The following EIF3H variants were observed in gnomAD, a reference collection of about 807,000 sequenced individuals.
The protein encoded by EIF3H is eukaryotic translation initiation factor 3 subunit H, also known as eIF-3-gamma.
EIF3H carries 26 observed loss-of-function variants against 44.2 expected under a neutral mutation model. The observed-to-expected ratio is 0.59, with a 90% CI of 0.43 to 0.82. EIF3H has a LOEUF of 0.82. EIF3H is among the 40% of genes least tolerant of loss of function. The pLI is 0.00. For synonymous variants in EIF3H, 166 were observed against 151.9 expected (o/e 1.09, Z -0.68); for missense variants, 359 against 432.8 (o/e 0.83, Z 1.51).
intron 2 of EIF3H, among the ~76,000 whole-genome samples, chr8:116,699,497 A>T (rs1814331669): frequency 1.3e-5 from 2 of 152,180 alleles, no homozygotes; most frequent in African/African-American, 4.8e-5. Context: ...GAGCTAAAAA[A>T]TGGGTACTTA....
chr8:116,728,963 T>C (rs1430952259), intron 1 of EIF3H, among the ~76,000 whole-genome samples: 1 of 152,238 alleles, frequency 6.6e-6, no homozygotes, highest in Non-Finnish European at 1.5e-5. Context: ...TGTCAATAAC[T>C]ATTTAATGCT....
At chr8:116,744,211 T>C (rs1225689196) in intron 1 of EIF3H, among the ~76,000 whole-genome samples, 3 of 78,932 alleles carry the variant, frequency 3.8e-5, no homozygotes, top group Admixed American at 1.3e-4. Context: ...ACATAGAAAG[T>C]ATTAAAAAAA....
At chr8:116,671,257 T>C (rs199888345) in intron 2 of EIF3H, among the ~76,000 whole-genome samples, 3 of 152,208 alleles carry the variant, frequency 2.0e-5, no homozygotes, top group Admixed American at 1.3e-4. Context: ...TGTCGTTCAA[T>C]GTAGTATCCA....
chr8:116,714,705 A>T (rs1323051426), intron 2 of EIF3H, among the ~76,000 whole-genome samples: 1 of 152,046 alleles, frequency 6.6e-6, no homozygotes, highest in East Asian at 1.9e-4. Flanking sequence ...TATCATTTTT[A>T]AAAATGCAAC....
intron 1 of EIF3H, among the ~76,000 whole-genome samples, chr8:116,740,488 G>C (rs987596630): frequency 3.3e-5 from 5 of 152,060 alleles, no homozygotes; most frequent in Non-Finnish European, 7.4e-5. Flanking sequence ...GTATTTTTAA[G>C]AATGGTAAAA....
intron 6 of EIF3H, among the ~76,000 whole-genome samples, chr8:116,647,671 C>T (rs1310347252): frequency 6.6e-6 from 1 of 152,110 alleles, no homozygotes; most frequent in Non-Finnish European, 1.5e-5. Context: ...CCAAGCTGGG[C>T]TAGTAAAAAT....
At chr8:116,704,350 G>C (rs1043169069) in intron 2 of EIF3H, among the ~76,000 whole-genome samples, 1 of 152,202 alleles carries the variant, frequency 6.6e-6, no homozygotes, top group African/African-American at 2.4e-5. Flanking sequence ...CGTGCTCAAC[G>C]AATGTTAGCA....
At chr8:116,706,280 T>C (rs1814468450) in intron 2 of EIF3H, among the ~76,000 whole-genome samples, 1 of 152,198 alleles carries the variant, frequency 6.6e-6, no homozygotes, top group Non-Finnish European at 1.5e-5. Flanking sequence ...TTCAGCAGGA[T>C]TTATTCAGAC....
chr8:116,685,527 ACTAACCT>A (rs1814062020), intron 2 of EIF3H, among the ~76,000 whole-genome samples: 2 of 152,132 alleles, frequency 1.3e-5, no homozygotes, highest in African/African-American at 4.8e-5. Flanking sequence ...CCCCAAATAT[ACTAACCT>A]AGGCATTCAT....
chr8:116,643,291 T>C lies in EIF3H; in HGVS notation c.*1715A>G, dbSNP rs1813251597. 6.6e-6 allele frequency: 1 copy of C among 152,236 alleles called. No homozygotes were observed. The highest frequency in any genetic ancestry group is 1.9e-4 in the East Asian group (1 of 5,190). The allele number at this position is 152,236 out of a possible 1,614,324, so 9.4% of individuals were successfully genotyped here. ...AGGAGGGCAAAACAGCAGAAACTTT[T>C]GAAGGCAATTTGGCAATACAGGTAA... On this transcript the variant is annotated 3_prime_UTR_variant, in exon 8 of 8. Transcript: ENST00000521861.
chr8:116,652,840 G>A (rs1205373339), intron 5 of EIF3H, among the ~76,000 whole-genome samples: 1 of 151,976 alleles, frequency 6.6e-6, no homozygotes, highest in African/African-American at 2.4e-5. Flanking sequence ...AACCTAATGA[G>A]GTCCTGAGAA....
intron 1 of EIF3H, among the ~76,000 whole-genome samples, chr8:116,747,633 C>T (rs746926948): frequency 6.6e-5 from 10 of 151,988 alleles, no homozygotes; most frequent in Non-Finnish European, 1.3e-4. Flanking sequence ...GTTGTTAAAA[C>T]ATTAAAAGGC....
chr8:116,662,214 A>G (rs1339797060), intron 2 of EIF3H, among the ~76,000 whole-genome samples: 1 of 152,206 alleles, frequency 6.6e-6, no homozygotes, highest in African/African-American at 2.4e-5. Flanking sequence ...AGTGAAGGAG[A>G]TTCTCTATCT....
chr8:116,722,080 C>A (rs909458993), intron 2 of EIF3H, among the ~76,000 whole-genome samples: 7 of 152,156 alleles, frequency 4.6e-5, no homozygotes, highest in African/African-American at 1.7e-4. Context: ...CCACCCAAAT[C>A]TCATCTTGAA....
chr8:116,741,020 A>G (rs1815123039), intron 1 of EIF3H, among the ~76,000 whole-genome samples: 1 of 152,162 alleles, frequency 6.6e-6, no homozygotes, highest in African/African-American at 2.4e-5. Context: ...TATAACAACT[A>G]TCACAACAAA....
chr8:116,749,500 A>G (rs1384853718), intron 1 of EIF3H, among the ~76,000 whole-genome samples: 1 of 152,250 alleles, frequency 6.6e-6, no homozygotes, highest in Non-Finnish European at 1.5e-5. Flanking sequence ...TCTAATGAAC[A>G]TAAGAAAGGT....
At position 116,678,323 on chromosome 8, in the gene EIF3H, G is replaced by A. The variant is rs1236910461; in HGVS notation, c.290-19343C>T. 8.6e-5 allele frequency among the ~76,000 whole-genome samples: 13 copies of A among 151,864 alleles called. No homozygotes were observed. The East Asian group carries it at 2.3e-3, about 27-fold the overall frequency. On this transcript the variant is annotated intron_variant, in intron 2 of 7. Coordinates refer to ENST00000521861, the MANE Select transcript of EIF3H (RefSeq NM_003756.3). ...AATGGTGCCCAGGCTGGAGTGCAGTGGCGTGATCTTGGCTCGCTACAACCT... is the reference window on the plus strand; with the variant it reads ...AATGGTGCCCAGGCTGGAGTGCAGTAGCGTGATCTTGGCTCGCTACAACCT...
chr8:116,657,447 C>A, intron 3 of EIF3H, 133 bp from the exon 4 acceptor site: 1 of 674,914 alleles, frequency 1.5e-6, no homozygotes, highest in Non-Finnish European at 2.5e-6. Context: ...ACAACCAGAA[C>A]ACAACTTGAA....
At chr8:116,652,743 A>T (rs1227297217) in intron 5 of EIF3H, among the ~76,000 whole-genome samples, 1 of 152,110 alleles carries the variant, frequency 6.6e-6, no homozygotes, top group East Asian at 1.9e-4. Flanking sequence ...ATAAATTTTT[A>T]ATTGGAAAAA....
Sources: gnomAD v4.1 joint callset for allele counts (sites outside exome capture counted in the v4.1 genomes callset) on GRCh38, gnomAD v4.1.1 for gene constraint, MANE v1.5 for transcripts, NCBI Gene and HGNC (gene_info 2026-07-23, HGNC 2026-07-21) for gene names.